Variants in ZNF808 observed in about 807,000 individuals in gnomAD.
ZNF808 encodes the protein zinc finger protein 808.
ZNF808 carries 5 observed loss-of-function variants against 8.7 expected under a neutral mutation model. The ratio of observed to expected loss-of-function variants is 0.58; its 90% confidence interval spans 0.30 to 1.21. The LOEUF (loss-of-function observed/expected upper bound fraction) is 1.21, where lower values mean the gene tolerates loss of function less well. Ranked by LOEUF, ZNF808 falls within the 50% of genes most tolerant of loss-of-function variation. The pLI, the probability that ZNF808 is intolerant of heterozygous loss-of-function variation, is 0.07. For missense variants in ZNF808, 1,103 were observed against 1,098.4 expected, an observed-to-expected ratio of 1.00 and a Z score of -0.06; for synonymous variants, 380 against 366.0, an observed-to-expected ratio of 1.04 and a Z score of -0.44.
Position 52,555,230 on chromosome 19 carries a change from T to G in ZNF808, c.2314T>G (p.Phe772Val), listed in dbSNP as rs1461295662. Residue 772 changes from phenylalanine (F) to valine (V), a missense_variant, in exon 5 of 5, where the codon TTC becomes GTC. Physicochemically the swap from Phe to Val is conservative, Grantham distance 50. Transcript: ENST00000359798. Reference protein sequence around the residue: ...PYKCNDCGNTFRHWSSLVYHR... With the variant: ...PYKCNDCGNTVRHWSSLVYHR... ...CAAGTGTAACGACTGTGGCAATACC[T>G]TCCGTCACTGGTCATCCCTTGTATA... is the stretch of plus-strand genomic sequence containing the variant. The G allele has an allele frequency of 6.2e-7, 1 of 1,614,052 alleles. No individual in the cohort carries two copies. The highest frequency in any genetic ancestry group is 1.1e-5 in the South Asian group (1 of 91,080).
chr19:52,537,322 A>G (rs1441860768), intron 2 of ZNF808, among the ~76,000 whole-genome samples: 2 of 152,076 alleles, frequency 1.3e-5, no homozygotes, highest in African/African-American at 4.8e-5. Flanking sequence ...GAAAAAGAAA[A>G]GAAAACAAGA....
At chr19:52,537,180 CTT>C (rs79802927) in intron 2 of ZNF808, among the ~76,000 whole-genome samples, 9,948 of 126,680 alleles carry the variant, frequency 0.079, 331 homozygotes, top group African/African-American at 0.088. Flanking sequence ...GAGTGAAACT[CTT>C]TCTCAAAAAA....
At chr19:52,540,674 C>G (rs2059661774) in intron 2 of ZNF808, among the ~76,000 whole-genome samples, 1 of 152,066 alleles carries the variant, frequency 6.6e-6, no homozygotes, top group Admixed American at 6.6e-5. Flanking sequence ...CCATAATATT[C>G]TCTACAGATG....
rs770368933 is a variant in ZNF808 at position 52,547,473 on chromosome 19, C to G, written c.64-39C>G. 5.6e-6 allele frequency: 9 copies of G among 1,612,648 alleles called. No individual in the cohort carries two copies. The South Asian group carries it at 8.8e-5, about 16-fold the overall frequency. ...TTTCCTGTGAAGGTGATAACTCAAT[C>G]CTCCATAATGTTTTGTTGAAATGTA... On this transcript the variant is annotated intron_variant, in intron 3 of 4. Coordinates refer to ENST00000359798, the MANE Select transcript of ZNF808 (RefSeq NM_001039886.4).
At chr19:52,529,911 A>ATATAT (rs1449062502) in intron 1 of ZNF808, among the ~76,000 whole-genome samples, 3 of 81,884 alleles carry the variant, frequency 3.7e-5, no homozygotes, top group African/African-American at 1.5e-4. Context: ...ATATATATAT[A>ATATAT]TTTTTTTTTT....
At chr19:52,539,396 A>G (rs1324931446) in intron 2 of ZNF808, among the ~76,000 whole-genome samples, 1 of 151,412 alleles carries the variant, frequency 6.6e-6, no homozygotes, top group Non-Finnish European at 1.5e-5. Context: ...TTCACCATCT[A>G]GGCGGGACTT....
At chr19:52,561,210 C>CTA (rs1568495006), downstream of ZNF808, among the ~76,000 whole-genome samples, 4 of 29,530 alleles carry the variant, frequency 1.4e-4, no homozygotes, top group African/African-American at 2.4e-4. Context: ...CTCTCTCTCT[C>CTA]TCTATATATA....
At chr19:52,537,867 T>G (rs1224326482) in intron 2 of ZNF808, among the ~76,000 whole-genome samples, 4 of 152,154 alleles carry the variant, frequency 2.6e-5, no homozygotes, top group Non-Finnish European at 4.4e-5. Flanking sequence ...TCTATAAATA[T>G]TGGTATCAGA....
At chr19:52,559,109 C>A (rs2059848361), downstream of ZNF808, among the ~76,000 whole-genome samples, 1 of 152,110 alleles carries the variant, frequency 6.6e-6, no homozygotes, top group African/African-American at 2.4e-5. Flanking sequence ...CAGCCCAACA[C>A]CCGTAAAGGG....
Position 52,554,903 on chromosome 19 carries a change from A to G in ZNF808, c.1987A>G (p.Lys663Glu). 1 of 1,614,144 alleles carries G rather than the reference A, an allele frequency of 6.2e-7. No individual in the cohort carries two copies. Among genetic ancestry groups the G allele is most frequent in the Admixed American group, 1.7e-5 (1 of 60,020 alleles). Residue 663 changes from lysine to glutamate, a missense_variant, in exon 5 of 5, where the codon AAG becomes GAG. Coordinates refer to ENST00000359798, the MANE Select transcript of ZNF808 (RefSeq NM_001039886.4). ...CNECGKTFSY[K>E]SSLVWHRRLH... ...TGAGTGTGGGAAGACCTTCAGTTAC[A>G]AGTCATCACTTGTATGGCATCGTAG...
At position 52,555,294 on chromosome 19, in the gene ZNF808, G is replaced by A. The variant is rs753941452; in HGVS notation, c.2378G>A (p.Cys793Tyr). ...RLHTGEKSYK[C>Y]TVCDKAFVRN... ...CATACTGGAGAGAAATCTTACAAAT[G>A]TACGGTTTGTGACAAGGCTTTCGTG... The change falls in exon 5 of 5, where the codon TGT (cysteine) becomes TAT (tyrosine). Residue 793 changes from cysteine (C) to tyrosine (Y), a missense_variant. Cys to Tyr is a radical substitution (Grantham distance 194). Coordinates refer to ENST00000359798, the MANE Select transcript of ZNF808 (RefSeq NM_001039886.4). 8 of 1,614,172 alleles carry A rather than the reference G, an allele frequency of 5.0e-6. No individual in the cohort carries two copies. Among genetic ancestry groups the A allele is most frequent in the Non-Finnish European group, 5.1e-6 (6 of 1,180,024 alleles).
Position 52,535,463 on chromosome 19 carries a change from C to T in ZNF808, c.-20+2454C>T, listed in dbSNP as rs1358361026. On this transcript the variant is annotated intron_variant, in intron 2 of 4. Transcript: ENST00000359798. Reference sequence around the variant, plus strand: ...GGACCCCCAGGTTCAGCGATTCTCCCGCCGCTGCTTCCTGAGTAGCTGGGA... The same window carrying T: ...GGACCCCCAGGTTCAGCGATTCTCCTGCCGCTGCTTCCTGAGTAGCTGGGA... Among the ~76,000 whole-genome samples, 10 of 152,254 alleles carry T rather than the reference C, an allele frequency of 6.6e-5. No homozygotes were observed. The South Asian group carries it at 2.1e-3, about 32-fold the overall frequency.
rs761964291 is a variant in ZNF808 at position 52,554,428 on chromosome 19, T to G, written c.1512T>G (p.Leu504=). 1 of 1,614,086 alleles carries G rather than the reference T, an allele frequency of 6.2e-7. No individual in the cohort carries two copies. The highest frequency in any genetic ancestry group is 1.1e-5 in the South Asian group (1 of 91,082). ...RRSSLLCHRR[L]HSGEKPYKCN... is the part of the protein sequence containing the mutation. The stretch of plus-strand genomic sequence containing the variant: ...CATCCCTTCTATGCCATCGTAGACT[T>G]CATAGTGGTGAAAAACCTTACAAGT... The change falls in exon 5 of 5, where the codon CTT becomes CTG. Residue 504 remains leucine (L), a synonymous_variant. Coordinates refer to ENST00000359798, the MANE Select transcript of ZNF808 (RefSeq NM_001039886.4).
chr19:52,560,690 C>T (rs1324229679), downstream of ZNF808, among the ~76,000 whole-genome samples: 1 of 152,120 alleles, frequency 6.6e-6, no homozygotes, highest in Non-Finnish European at 1.5e-5. Flanking sequence ...GCATAGTTAA[C>T]CTTGGGTCAG....
chr19:52,550,894 T>TCCTG (rs1174191015), intron 4 of ZNF808, among the ~76,000 whole-genome samples: 2 of 152,166 alleles, frequency 1.3e-5, no homozygotes, highest in African/African-American at 4.8e-5. Flanking sequence ...ATGCCCCTTT[T>TCCTG]CCTGCCTCAC....
intron 4 of ZNF808, among the ~76,000 whole-genome samples, chr19:52,549,188 C>G (rs1320570332): frequency 6.6e-6 from 1 of 152,080 alleles, no homozygotes; most frequent in East Asian, 1.9e-4. Flanking sequence ...CCATGCTGGC[C>G]TGGCCGGTCT....
chr19:52,546,587 G>A (rs959003585), intron 3 of ZNF808, among the ~76,000 whole-genome samples: 13 of 150,756 alleles, frequency 8.6e-5, no homozygotes, highest in Non-Finnish European at 1.5e-4. Flanking sequence ...ACTAAATATC[G>A]CCTTGTATGT....
chr19:52,536,841 T>A (rs1599960102), intron 2 of ZNF808, among the ~76,000 whole-genome samples: 1 of 151,848 alleles, frequency 6.6e-6, no homozygotes, highest in Non-Finnish European at 1.5e-5. Context: ...TAAGAGGCGG[T>A]AATATGTAGA....
In ZNF808 at chr19:52,554,231, A is replaced by G; in HGVS notation, c.1315A>G (p.Lys439Glu). Residue 439 changes from lysine (K) to glutamate (E), a missense_variant, in exon 5 of 5, where the codon AAA becomes GAA. By Grantham distance (56) the Lys-to-Glu change is moderately conservative (BLOSUM62 1). Transcript: ENST00000359798. The part of the protein sequence containing the change: ...CEECDKVFSQ[K>E]STLERHKRIH... ...AGAATGTGACAAAGTTTTCAGTCAG[A>G]AATCAACCCTTGAGAGACATAAGAG... is the stretch of plus-strand genomic sequence containing the variant. 6.2e-7 allele frequency: 1 copy of G among 1,613,784 alleles called. No individual in the cohort carries two copies. Among genetic ancestry groups the G allele is most frequent in the Non-Finnish European group, 8.5e-7 (1 of 1,179,732 alleles).
Sources: gnomAD v4.1 joint callset for allele counts (sites outside exome capture counted in the v4.1 genomes callset) on GRCh38, gnomAD v4.1.1 for gene constraint, MANE v1.5 for transcripts, NCBI Gene and HGNC (gene_info 2026-07-23, HGNC 2026-07-21) for gene names.